The following ROCK1 variants were observed in gnomAD, a reference collection of about 807,000 sequenced individuals.
ROCK1 encodes rho-associated protein kinase 1.
A neutral mutation model predicts 196.8 loss-of-function variants in ROCK1; 36 were observed. The observed-to-expected ratio is 0.18, with a 90% CI of 0.14 to 0.24. The LOEUF is 0.24. Ranked by LOEUF, ROCK1 falls within the 10% of genes least tolerant of loss-of-function variation. The pLI is 1.00. For synonymous variants in ROCK1, 443 were observed against 515.9 expected, an observed-to-expected ratio of 0.86 and a Z score of 1.91; for missense variants, 920 against 1,562.0, an observed-to-expected ratio of 0.59 and a Z score of 6.93.
Position 20,969,195 on chromosome 18 carries a change from T to C in ROCK1, c.2834A>G (p.Asn945Ser), listed in dbSNP as rs769050948. 3.1e-6 allele frequency: 5 copies of C among 1,600,900 alleles called. No individual in the cohort carries two copies. The Admixed American group carries it at 6.7e-5, about 21-fold the overall frequency. Residue 945 changes from asparagine to serine, a missense_variant, in exon 24 of 33, where the codon AAC becomes AGC. Physicochemically the swap from Asn to Ser is conservative, Grantham distance 46 (BLOSUM62 1). Around this residue, in one of 6 missense-constraint regions of ROCK1, gnomAD observed 520 missense variants for 657.1 expected, o/e 0.79. Transcript: ENST00000399799. ...TTCAATATCTTTGGTTAGCATGCTG[T>C]TTGCTTCTTCAAGCTAAACAAAGCA... ...DHTVSRLEEANSMLTKDIEIL... is the reference protein window; with the variant it reads ...DHTVSRLEEASSMLTKDIEIL...
chr18:21,101,120 G>A (rs759210927), intron 1 of ROCK1, among the ~76,000 whole-genome samples: 3 of 152,114 alleles, frequency 2.0e-5, no homozygotes, highest in Non-Finnish European at 4.4e-5. Flanking sequence ...TTCATGAATT[G>A]GATTTCATGG....
chr18:20,951,212 A>T lies in ROCK1; in HGVS notation c.*172T>A, dbSNP rs886161810. ...ATCTACCTGTAGGCAAACCCGCAAT[A>T]AAAAAAACCCTCAGTGTGTTGTGCC... On this transcript the variant is annotated 3_prime_UTR_variant, in exon 33 of 33. Transcript: ENST00000399799. 8 of 476,806 alleles carry T rather than the reference A, an allele frequency of 1.7e-5. No homozygotes were observed. The highest frequency in any genetic ancestry group is 7.9e-5 in the Admixed American group (2 of 25,392). 29.5% of individuals were successfully genotyped at this position (476,806 alleles called of 1,614,324 possible).
chr18:20,959,124 T>TA (rs2035295308), intron 29 of ROCK1, among the ~76,000 whole-genome samples: 1 of 53,358 alleles, frequency 1.9e-5, no homozygotes, highest in African/African-American at 1.4e-4. Context: ...TTATATAATA[T>TA]ATATATTATA....
intron 22 of ROCK1, among the ~76,000 whole-genome samples, chr18:20,976,412 G>T (rs1333935384): frequency 6.6e-6 from 1 of 152,026 alleles, no homozygotes; most frequent in African/African-American, 2.4e-5. Context: ...AAGAGTTTTG[G>T]GTCAACCTTT....
chr18:20,970,629 TTAAAA>T (rs2035417117), intron 22 of ROCK1, 116 bp from the exon 23 acceptor site: 4 of 686,828 alleles, frequency 5.8e-6, no homozygotes, highest in Non-Finnish European at 9.2e-6. Flanking sequence ...ATTTTATTGC[TTAAAA>T]TAAATTTAAA....
chr18:21,005,607 T>C (rs2035761656), intron 16 of ROCK1, among the ~76,000 whole-genome samples: 1 of 152,152 alleles, frequency 6.6e-6, no homozygotes, highest in Admixed American at 6.5e-5. Context: ...CCTGGTGTGG[T>C]GTCTCACACC....
chr18:21,091,892 C>A (rs2036573162), intron 1 of ROCK1, among the ~76,000 whole-genome samples: 1 of 150,780 alleles, frequency 6.6e-6, no homozygotes. Context: ...ATCAGTTGAA[C>A]CGGGGGTGGG....
intron 8 of ROCK1, among the ~76,000 whole-genome samples, chr18:21,041,704 T>C (rs2036108571): frequency 6.6e-6 from 1 of 152,128 alleles, no homozygotes; most frequent in East Asian, 1.9e-4. Flanking sequence ...TATCACCGTT[T>C]TTATACCACT....
intron 13 of ROCK1, among the ~76,000 whole-genome samples, chr18:21,009,320 G>GT (rs1254074734): frequency 2.5e-3 from 355 of 140,890 alleles, no homozygotes; most frequent in Middle Eastern, 7.2e-3. Context: ...GCCAAGACAG[G>GT]TTTTTTTTTT....
chr18:20,978,390 T>TA (rs1278712639), intron 22 of ROCK1, among the ~76,000 whole-genome samples: 4 of 152,134 alleles, frequency 2.6e-5, no homozygotes, highest in African/African-American at 7.2e-5. Flanking sequence ...ATTAAGCTTC[T>TA]AAATCAGAAA....
chr18:21,001,689 T>C (rs948728503), intron 16 of ROCK1, among the ~76,000 whole-genome samples: 1 of 150,646 alleles, frequency 6.6e-6, no homozygotes, highest in African/African-American at 2.4e-5. Flanking sequence ...CACTTGAACC[T>C]GGGAGGCAGA....
intron 20 of ROCK1, 39 bp from the exon 21 acceptor site, chr18:20,982,871 ACTTATACT>A (rs1568374989): frequency 2.2e-6 from 2 of 905,114 alleles, no homozygotes; most frequent in African/African-American, 1.7e-5. Context: ...AAACGCTCCT[ACTTATACT>A]AGACTTCATT....
intron 27 of ROCK1, among the ~76,000 whole-genome samples, chr18:20,966,370 C>A (rs2035374397): frequency 6.6e-6 from 1 of 152,136 alleles, no homozygotes; most frequent in African/African-American, 2.4e-5. Flanking sequence ...CTCATTCCTG[C>A]CTTTATTTGA....
At chr18:21,070,450 A>G in intron 2 of ROCK1, 82 bp downstream of exon 2, 1 of 689,512 alleles carries the variant, frequency 1.5e-6, no homozygotes, top group South Asian at 2.5e-5. Flanking sequence ...AGTAAATAGA[A>G]GAAAAAATAA....
chr18:21,110,669 G>A, intron 1 of ROCK1, 149 bp downstream of exon 1: 2 of 689,962 alleles, frequency 2.9e-6, no homozygotes, highest in Non-Finnish European at 5.1e-6. Flanking sequence ...AGATGTTAAT[G>A]GTACTCCAAG....
intron 1 of ROCK1, among the ~76,000 whole-genome samples, chr18:21,089,219 G>A (rs370281934): frequency 2.5e-4 from 38 of 151,962 alleles, no homozygotes; most frequent in African/African-American, 6.8e-4. Context: ...CACCACATTC[G>A]GCTAATTTTT....
chr18:20,954,541 A>G (rs1194453958), intron 31 of ROCK1, among the ~76,000 whole-genome samples: 1 of 152,246 alleles, frequency 6.6e-6, no homozygotes. Context: ...ACGCCACTGC[A>G]CTCCAGCCTG....
chr18:21,010,440 T>A (rs1467656397), intron 13 of ROCK1, among the ~76,000 whole-genome samples: 1 of 152,258 alleles, frequency 6.6e-6, no homozygotes, highest in Non-Finnish European at 1.5e-5. Context: ...CCATAACAGT[T>A]TTATGAGACA....
chr18:20,963,259 T>C (rs1402126383), intron 27 of ROCK1, among the ~76,000 whole-genome samples: 2 of 152,146 alleles, frequency 1.3e-5, no homozygotes, highest in Admixed American at 1.3e-4. Context: ...AGAGACAATC[T>C]AACTACATGT....
Sources: allele counts gnomAD v4.1 joint callset (sites outside exome capture counted in the v4.1 genomes callset), GRCh38; gene constraint gnomAD v4.1.1; regional missense constraint gnomAD v4.1.1; transcripts MANE v1.5; gene names NCBI Gene and HGNC (gene_info 2026-07-23, HGNC 2026-07-21).